Variants in GRHL2 observed in about 807,000 individuals in gnomAD.
GRHL2 encodes grainyhead like transcription factor 2.
A neutral mutation model predicts 83.8 loss-of-function variants in GRHL2; 21 were observed. The ratio of observed to expected loss-of-function variants is 0.25; its 90% confidence interval spans 0.18 to 0.36. The LOEUF (loss-of-function observed/expected upper bound fraction) is 0.36. GRHL2 is among the 10% of genes least tolerant of loss of function. GRHL2 has a pLI of 1.00. For synonymous variants in GRHL2, 280 were observed against 278.9 expected, an observed-to-expected ratio of 1.00 and a Z score of -0.04; for missense variants, 623 against 781.8, an observed-to-expected ratio of 0.80 and a Z score of 2.42.
chr8:101,593,453 T>C (rs772944955), intron 7 of GRHL2, among the ~76,000 whole-genome samples: 5 of 152,172 alleles, frequency 3.3e-5, no homozygotes, highest in Non-Finnish European at 7.3e-5. Flanking sequence ...TGAAATTCAA[T>C]ATGTTCACAA....
intron 11 of GRHL2, among the ~76,000 whole-genome samples, chr8:101,633,154 T>C (rs1167430662): frequency 6.6e-6 from 1 of 152,228 alleles, no homozygotes; most frequent in Non-Finnish European, 1.5e-5. Context: ...TACAGGGTTA[T>C]GAGATATGGC....
chr8:101,524,550 A>G (rs1486001221), intron 1 of GRHL2, among the ~76,000 whole-genome samples: 1 of 152,218 alleles, frequency 6.6e-6, no homozygotes, highest in South Asian at 2.1e-4. Context: ...TTCTAATTAA[A>G]AAAAAAGCTT....
chr8:101,581,375 A>G (rs1165084684), intron 7 of GRHL2, among the ~76,000 whole-genome samples: 1 of 152,230 alleles, frequency 6.6e-6, no homozygotes, highest in Non-Finnish European at 1.5e-5. Context: ...GCTGCTTTTC[A>G]AAACACATAA....
At chr8:101,654,084 T>A (rs908184212) in intron 14 of GRHL2, among the ~76,000 whole-genome samples, 2 of 152,172 alleles carry the variant, frequency 1.3e-5, no homozygotes, top group African/African-American at 4.8e-5. Flanking sequence ...TTTTAGGAAT[T>A]GGCCTGGGTC....
intron 4 of GRHL2, among the ~76,000 whole-genome samples, chr8:101,559,304 T>A: frequency 7.4e-6 from 1 of 135,682 alleles, no homozygotes; most frequent in Admixed American, 8.6e-5. Flanking sequence ...GGCCAGGAGT[T>A]CAAGACCAGC....
At chr8:101,616,026 ATCTTTTCTTTCTT>A (rs1812847930) in intron 8 of GRHL2, among the ~76,000 whole-genome samples, 1 of 150,120 alleles carries the variant, frequency 6.7e-6, no homozygotes, top group African/African-American at 2.4e-5. Flanking sequence ...CTTTCTTTCT[ATCTTTTCTTTCTT>A]TCTTTCTCTT....
intron 1 of GRHL2, chr8:101,529,050 G>A (rs557698496): frequency 2.6e-5 from 10 of 380,478 alleles, no homozygotes; most frequent in East Asian, 9.0e-5. Flanking sequence ...CTGCTTCCAC[G>A]TCAACAGTTT....
intron 2 of GRHL2, 110 bp downstream of exon 2, chr8:101,543,546 C>T (rs778162183): frequency 2.0e-6 from 2 of 991,178 alleles, no homozygotes; most frequent in Non-Finnish European, 3.1e-6. Flanking sequence ...ATAGCATTTC[C>T]AAAGTCAATA....
chr8:101,653,424 A>T (rs1242441616), intron 14 of GRHL2, among the ~76,000 whole-genome samples: 1 of 152,090 alleles, frequency 6.6e-6, no homozygotes, highest in Non-Finnish European at 1.5e-5. Context: ...ATAAACACAA[A>T]CATAGTCCCC....
At chr8:101,641,314 T>A (rs1813396234) in intron 12 of GRHL2, among the ~76,000 whole-genome samples, 1 of 152,152 alleles carries the variant, frequency 6.6e-6, no homozygotes, top group Non-Finnish European at 1.5e-5. Flanking sequence ...TTTCTGAGGA[T>A]AACATGGGCA....
chr8:101,621,156 C>G (rs1292003421), intron 9 of GRHL2, among the ~76,000 whole-genome samples: 1 of 151,764 alleles, frequency 6.6e-6, no homozygotes, highest in Non-Finnish European at 1.5e-5. Flanking sequence ...TGAAAATGAC[C>G]AACAGAAAAG....
intron 14 of GRHL2, among the ~76,000 whole-genome samples, chr8:101,654,481 G>C (rs193147766): frequency 8.5e-4 from 130 of 152,262 alleles, no homozygotes; most frequent in African/African-American, 3.1e-3. Flanking sequence ...TGCTGTTATT[G>C]CCCCTACTGA....
chr8:101,619,481 G>A (rs889178611), intron 8 of GRHL2, 58 bp from the exon 9 acceptor site: 79 of 1,521,744 alleles, frequency 5.2e-5, no homozygotes, highest in East Asian at 4.1e-4. Context: ...AAGTTTATGC[G>A]TTTATTGTAC....
chr8:101,678,225 C>T, the GRHL2 span, among the ~76,000 whole-genome samples: 52 of 152,244 alleles, frequency 3.4e-4, no homozygotes, highest in African/African-American at 6.0e-4. Flanking sequence ...AGTGGGTGCG[C>T]GCACCGTGTG....
chr8:101,550,281 G>A lies in GRHL2; in HGVS notation c.217-2434G>A, dbSNP rs548999688. On this transcript the variant is annotated intron_variant, in intron 2 of 15. Transcript: ENST00000646743. Reference sequence around the variant, plus strand: ...TATTTTGTGTGACACTGAGGTTTGGGATACGACTGTGCCCAGCACCCAGGT... The same window carrying A: ...TATTTTGTGTGACACTGAGGTTTGGAATACGACTGTGCCCAGCACCCAGGT... 2.0e-5 allele frequency among the ~76,000 whole-genome samples: 3 copies of A among 152,028 alleles called. No homozygotes were observed. The East Asian group carries it at 5.8e-4, about 29-fold the overall frequency.
chr8:101,573,217 C>CTGTTT lies in GRHL2; in HGVS notation c.735-450_735-449insGTTTT, dbSNP rs751007913. Among the ~76,000 whole-genome samples the CTGTTT allele has an allele frequency of 5.1e-3, 730 of 142,686 alleles. 4 individuals are homozygous for CTGTTT. Among genetic ancestry groups the CTGTTT allele is most frequent in the Middle Eastern group, 0.016 (4 of 252 alleles). The allele number at this position is 142,686 out of a possible 152,430, so 93.6% of individuals were successfully genotyped here. A position where few individuals can be genotyped will look rare whatever the true frequency, so the allele number is the denominator to read the frequency against. On this transcript the variant is annotated intron_variant, in intron 5 of 15. Coordinates refer to ENST00000646743, the MANE Select transcript of GRHL2 (RefSeq NM_024915.4). ...TGAGATGTTTTATAGTAAGATACAG[C>CTGTTT]TATCTGTAACACCTTGGTTAGACAA... is the stretch of plus-strand genomic sequence containing the variant.
At chr8:101,675,434 A>G in the GRHL2 span, among the ~76,000 whole-genome samples, 3 of 152,048 alleles carry the variant, frequency 2.0e-5, no homozygotes, top group Non-Finnish European at 4.4e-5. Flanking sequence ...CACAGAGCCA[A>G]ATCATGAGTG....
the GRHL2 span, among the ~76,000 whole-genome samples, chr8:101,680,009 T>A: frequency 1.7e-5 from 2 of 115,170 alleles, no homozygotes; most frequent in Non-Finnish European, 1.8e-5. Context: ...AGGAAGAAAC[T>A]GCATCAACTA....
intron 12 of GRHL2, among the ~76,000 whole-genome samples, chr8:101,640,374 T>A: frequency 6.6e-6 from 1 of 151,944 alleles, no homozygotes; most frequent in Non-Finnish European, 1.5e-5. Context: ...AAAAAAATGA[T>A]ACTTAATTGA....
Sources: gnomAD v4.1 joint callset for allele counts (sites outside exome capture counted in the v4.1 genomes callset) on GRCh38, gnomAD v4.1.1 for gene constraint, MANE v1.5 for transcripts, NCBI Gene and HGNC (gene_info 2026-07-23, HGNC 2026-07-21) for gene names.